The following ZBTB20 variants were observed in gnomAD, a reference collection of about 807,000 sequenced individuals.
ZBTB20 encodes the protein zinc finger and BTB domain containing 20, also known as zinc finger and BTB domain-containing protein 20.
A neutral mutation model predicts 56.9 loss-of-function variants in ZBTB20; 9 were observed. The observed-to-expected ratio is 0.16, with a 90% CI of 0.10 to 0.28. The LOEUF is 0.28. Among genes scored for constraint, ZBTB20 ranks in the 10% least tolerant of loss-of-function variants. ZBTB20 has a pLI of 1.00. For missense variants in ZBTB20, 655 were observed against 1,003.0 expected, an observed-to-expected ratio of 0.65 and a Z score of 4.69; for synonymous variants, 417 against 420.7, an observed-to-expected ratio of 0.99 and a Z score of 0.11.
chr3:114,813,821 C>G (rs1164461414), intron 4 of ZBTB20, among the ~76,000 whole-genome samples: 1 of 152,076 alleles, frequency 6.6e-6, no homozygotes, highest in Non-Finnish European at 1.5e-5. Flanking sequence ...ATAATATAAT[C>G]TAGATAATCT....
At chr3:114,730,115 A>G (rs765954166) in intron 5 of ZBTB20, among the ~76,000 whole-genome samples, 1 of 152,012 alleles carries the variant, frequency 6.6e-6, no homozygotes, top group Non-Finnish European at 1.5e-5. Context: ...TTTTATTTTT[A>G]TAATGACAGA....
At chr3:115,075,116 T>C (rs2108521027) in intron 1 of ZBTB20, among the ~76,000 whole-genome samples, 1 of 152,286 alleles carries the variant, frequency 6.6e-6, no homozygotes, top group East Asian at 1.9e-4. Flanking sequence ...TTTATGTTAG[T>C]AAGAACACTT....
At chr3:114,455,031 AAGAG>A (rs937303317) in intron 7 of ZBTB20, among the ~76,000 whole-genome samples, 3 of 119,148 alleles carry the variant, frequency 2.5e-5, no homozygotes, top group African/African-American at 9.6e-5. Flanking sequence ...GAGAGAGAGG[AAGAG>A]AGAGGGGGAA....
intron 2 of ZBTB20, among the ~76,000 whole-genome samples, chr3:115,024,179 C>A (rs546017444): frequency 6.6e-6 from 1 of 151,072 alleles, no homozygotes; most frequent in South Asian, 2.1e-4. Flanking sequence ...CTCCCTTTTT[C>A]TTCCTTGTAA....
intron 5 of ZBTB20, among the ~76,000 whole-genome samples, chr3:114,701,437 G>A (rs1377973944): frequency 6.6e-6 from 1 of 152,114 alleles, no homozygotes; most frequent in Non-Finnish European, 1.5e-5. Context: ...TGATGTAGAG[G>A]GATTGGGGAG....
intron 2 of ZBTB20, among the ~76,000 whole-genome samples, chr3:115,028,481 A>AG (rs2080519759): frequency 6.6e-6 from 1 of 150,788 alleles, no homozygotes; most frequent in Non-Finnish European, 1.5e-5. Context: ...CATTATTAAA[A>AG]TTAACTTCAT....
intron 4 of ZBTB20, among the ~76,000 whole-genome samples, chr3:114,802,418 A>T (rs900165235): frequency 6.6e-6 from 1 of 151,908 alleles, no homozygotes; most frequent in Non-Finnish European, 1.5e-5. Context: ...TTTGATGTAC[A>T]TAGATTTTAA....
Position 114,942,380 on chromosome 3 carries a change from T to C in ZBTB20, c.-456+31986A>G, listed in dbSNP as rs1482380830. Reference sequence around the variant, plus strand: ...TACAAGGCAAATAAACTTTTTGTACTCTTAAATACTTAAAGAATAATATAT... The same window carrying C: ...TACAAGGCAAATAAACTTTTTGTACCCTTAAATACTTAAAGAATAATATAT... On this transcript the variant is annotated intron_variant, in intron 3 of 11. Coordinates refer to ENST00000675478, the MANE Select transcript of ZBTB20 (RefSeq NM_001348800.3). 2.7e-5 allele frequency among the ~76,000 whole-genome samples: 4 copies of C among 146,098 alleles called. 1 individual carries two copies. The highest frequency in any genetic ancestry group is 5.6e-5 in the African/African-American group (2 of 35,990).
intron 5 of ZBTB20, among the ~76,000 whole-genome samples, chr3:114,771,492 A>C (rs1236065273): frequency 6.6e-6 from 1 of 152,156 alleles, no homozygotes; most frequent in Admixed American, 6.5e-5. Context: ...TATCCTTCTT[A>C]CTTAAAAATT....
intron 1 of ZBTB20, among the ~76,000 whole-genome samples, chr3:115,073,755 C>T (rs996520869): frequency 1.2e-4 from 18 of 150,898 alleles, no homozygotes; most frequent in Non-Finnish European, 1.8e-4. Flanking sequence ...AAAAATTAAC[C>T]GTATACAATA....
chr3:114,907,908 A>C (rs2075381299), intron 3 of ZBTB20, among the ~76,000 whole-genome samples: 1 of 151,906 alleles, frequency 6.6e-6, no homozygotes, highest in Non-Finnish European at 1.5e-5. Flanking sequence ...ATCTGCGCTA[A>C]GGAATTAAAA....
intron 3 of ZBTB20, among the ~76,000 whole-genome samples, chr3:114,963,902 T>G (rs2077545201): frequency 1.3e-5 from 2 of 152,146 alleles, no homozygotes; most frequent in Admixed American, 1.3e-4. Flanking sequence ...CGAGGGAAAT[T>G]TAGTAAACAA....
chr3:114,623,117 C>G (rs769256249), intron 6 of ZBTB20, among the ~76,000 whole-genome samples: 1 of 151,974 alleles, frequency 6.6e-6, no homozygotes, highest in Non-Finnish European at 1.5e-5. Context: ...ATGAGAAAAC[C>G]CAGTAAGATG....
chr3:114,929,675 C>T (rs1010011558), intron 3 of ZBTB20, among the ~76,000 whole-genome samples: 6 of 152,204 alleles, frequency 3.9e-5, no homozygotes, highest in Non-Finnish European at 7.3e-5. Flanking sequence ...GAGGTACTTA[C>T]ATAGTTCATA....
intron 1 of ZBTB20, among the ~76,000 whole-genome samples, chr3:115,133,712 TA>T (rs1323073854): frequency 3.3e-5 from 5 of 152,212 alleles, no homozygotes; most frequent in African/African-American, 1.2e-4. Context: ...AGTACTTCAT[TA>T]TTTTTTATGG....
At chr3:114,452,485 C>T (rs1362395622) in intron 7 of ZBTB20, among the ~76,000 whole-genome samples, 1 of 152,076 alleles carries the variant, frequency 6.6e-6, no homozygotes, top group Non-Finnish European at 1.5e-5. Context: ...TGTTTTTTAT[C>T]TGAGGATCAT....
Position 114,315,761 on chromosome 3 carries a change from A to C in ZBTB20, c.*23244T>G, listed in dbSNP as rs2078660660. On this transcript the variant is annotated 3_prime_UTR_variant, in exon 12 of 12. Transcript: ENST00000675478. Reference sequence around the variant, plus strand: ...GAAATGGGTTCACCTTTCAGCAGTCACCACAGTAAACTTCATTGAGAACAT... The same window carrying C: ...GAAATGGGTTCACCTTTCAGCAGTCCCCACAGTAAACTTCATTGAGAACAT... 1 of 152,244 alleles carries C rather than the reference A, an allele frequency of 6.6e-6. No individual in the cohort carries two copies. The highest frequency in any genetic ancestry group is 1.5e-5 in the Non-Finnish European group (1 of 68,076). The allele number at this position is 152,244 out of a possible 1,614,324, so 9.4% of individuals were successfully genotyped here. A position where few individuals can be genotyped will look rare whatever the true frequency, so the allele number is the denominator to read the frequency against.
At chr3:114,552,713 T>C (rs2050726443) in intron 6 of ZBTB20, among the ~76,000 whole-genome samples, 1 of 152,168 alleles carries the variant, frequency 6.6e-6, no homozygotes, top group Non-Finnish European at 1.5e-5. Flanking sequence ...GCAATTTGAT[T>C]CATGTTTGTT....
At chr3:114,373,775 G>A (rs1171422986) in intron 10 of ZBTB20, among the ~76,000 whole-genome samples, 1 of 152,104 alleles carries the variant, frequency 6.6e-6, no homozygotes, top group African/African-American at 2.4e-5. Flanking sequence ...TGAGGGATCT[G>A]ATAACATTTG....
Sources: allele counts gnomAD v4.1 joint callset (sites outside exome capture counted in the v4.1 genomes callset), GRCh38; gene constraint gnomAD v4.1.1; transcripts MANE v1.5; gene names NCBI Gene and HGNC (gene_info 2026-07-23, HGNC 2026-07-21).